NBEAL2: variants seen among roughly 807,000 people sequenced by gnomAD.
NBEAL2 encodes neurobeachin like 2.
Under a neutral mutation model 299.8 loss-of-function variants are expected in NBEAL2, and 160 were observed. The observed-to-expected ratio is 0.53, with a 90% CI of 0.47 to 0.61. The LOEUF (loss-of-function observed/expected upper bound fraction) is 0.61, where lower values mean the gene tolerates loss of function less well. NBEAL2 is among the 20% of genes least tolerant of loss of function. The pLI, the probability that NBEAL2 is intolerant of heterozygous loss-of-function variation, is 0.00. For synonymous variants in NBEAL2, 1,493 were observed against 1,542.3 expected, an observed-to-expected ratio of 0.97 and a Z score of 0.75; for missense variants, 3,112 against 3,649.0, an observed-to-expected ratio of 0.85 and a Z score of 3.79.
Position 46,999,946 on chromosome 3 carries a change from G to A in NBEAL2, c.3847G>A (p.Gly1283Ser), listed in dbSNP as rs1377704650. ...DVVRLLARQA[G>S]WQDVLTRLYV... ...AGTGCGGCTTCTGGCCCGACAGGCT[G>A]GCTGGCAAGATGTGCTGACCCGGCT... Residue 1283 changes from glycine to serine, a missense_variant, in exon 27 of 54, where the codon GGC (glycine) becomes AGC (serine). Coordinates refer to ENST00000450053, the MANE Select transcript of NBEAL2 (RefSeq NM_015175.3). The A allele has an allele frequency of 1.2e-6, 2 of 1,611,614 alleles. No homozygotes were observed. Among genetic ancestry groups the A allele is most frequent in the Non-Finnish European group, 1.7e-6 (2 of 1,179,344 alleles).
At position 47,009,236 on chromosome 3, in the gene NBEAL2, C is replaced by G. The variant is rs1469895607; in HGVS notation, c.8181C>G (p.Phe2727Leu). ...GQPSEVRSSQFARKLWRSSRR... is the reference protein window; with the variant it reads ...GQPSEVRSSQLARKLWRSSRR... ...CCCACCAGGTGCGCAGCAGCCAGTT[C>G]GCGCGGAAGCTGTGGCGGTCCTCGC... Residue 2727 changes from phenylalanine (F) to leucine (L), a missense_variant, in exon 54 of 54, where the codon TTC becomes TTG. By Grantham distance (22) the Phe-to-Leu change is conservative (BLOSUM62 0). Around this residue, in one of 3 missense-constraint regions of NBEAL2, gnomAD observed 348 missense variants for 381.4 expected, o/e 0.91. Coordinates refer to ENST00000450053, the MANE Select transcript of NBEAL2 (RefSeq NM_015175.3). 6.3e-7 allele frequency: 1 copy of G among 1,599,386 alleles called. No individual in the cohort carries two copies. Among genetic ancestry groups the G allele is most frequent in the South Asian group, 1.1e-5 (1 of 88,144 alleles).
intron 10 of NBEAL2, 37 bp from the exon 11 acceptor site, chr3:46,993,900 G>A: frequency 1.9e-6 from 3 of 1,571,176 alleles, no homozygotes; most frequent in Non-Finnish European, 2.6e-6. Context: ...TGACACCCTG[G>A]CCCCTGCCTC....
Position 47,007,649 on chromosome 3 carries a change from A to C in NBEAL2, c.7459A>C (p.Thr2487Pro). The C allele has an allele frequency of 6.2e-7, 1 of 1,611,444 alleles. No individual in the cohort carries two copies. The highest frequency in any genetic ancestry group is 8.5e-7 in the Non-Finnish European group (1 of 1,179,128). Reference protein sequence around the residue: ...GGHWDGSLRVTALPRGKLLSQ... With the variant: ...GGHWDGSLRVPALPRGKLLSQ... ...CCACTGGGATGGCAGCCTGCGGGTG[A>C]CTGCACTACCCCGTGGCAAGCTGTT... is the stretch of plus-strand genomic sequence containing the variant. The change falls in exon 48 of 54, where the codon ACT becomes CCT. Residue 2487 changes from threonine to proline, a missense_variant. By Grantham distance (38) the Thr-to-Pro change is conservative (BLOSUM62 -1). Around this residue, in one of 3 missense-constraint regions of NBEAL2, gnomAD observed 348 missense variants for 381.4 expected, o/e 0.91. Coordinates refer to ENST00000450053, the MANE Select transcript of NBEAL2 (RefSeq NM_015175.3).
In NBEAL2 at chr3:47,000,126, G is replaced by A. The variant is rs1575610415; in HGVS notation, c.4027G>A (p.Asp1343Asn). 2.5e-6 allele frequency: 4 copies of A among 1,613,648 alleles called. No homozygotes were observed. The East Asian group carries it at 8.9e-5, about 36-fold the overall frequency. Residue 1343 changes from aspartate to asparagine, a missense_variant, in exon 27 of 54, where the codon GAT becomes AAT. Physicochemically the swap from Asp to Asn is conservative, Grantham distance 23. This residue lies in a region of NBEAL2 where 2,243 missense variants were observed against 2,538.1 expected (regional missense o/e 0.88). Coordinates refer to ENST00000450053, the MANE Select transcript of NBEAL2 (RefSeq NM_015175.3). The surrounding 1 kb of genome is among the most constrained non-coding windows in gnomAD (Gnocchi z 4.5). ...LPSEAPCPDP[D>N]GFYHALSPFC... ...CTCAGAGGCCCCCTGCCCTGACCCT[G>A]ATGGCTTTTACCATGCTCTCTCCCC...
chr3:47,001,316 A>G lies in NBEAL2; in HGVS notation c.4522A>G (p.Ile1508Val), dbSNP rs533142031. 1.6e-5 allele frequency: 25 copies of G among 1,612,820 alleles called. No homozygotes were observed. Among genetic ancestry groups the G allele is most frequent in the African/African-American group, 2.7e-5 (2 of 75,014 alleles). ...GATGCTGGAGTCAGCCCTGACCGAC[A>G]TCAAAGAGGCCCCCGTGGGGGTCCT... ...EMMLESALTD[I>V]KEAPVGVLAS... is the part of the protein sequence containing the mutation. Residue 1508 changes from isoleucine (I) to valine (V), a missense_variant, in exon 29 of 54, where the codon ATC becomes GTC. Physicochemically the swap from Ile to Val is conservative, Grantham distance 29. Transcript: ENST00000450053. The surrounding 1 kb of genome is among the most constrained non-coding windows in gnomAD (Gnocchi z 6.1).
At chr3:47,005,371 G>T (rs1226764467) in intron 40 of NBEAL2, 50 bp downstream of exon 40, 1 of 1,584,876 alleles carries the variant, frequency 6.3e-7, no homozygotes. Context: ...AAGGGGAGGA[G>T]GCTGGTCCTC....
chr3:47,003,259 G>A lies in NBEAL2; in HGVS notation c.5670G>A (p.Leu1890=), dbSNP rs778757870. Reference sequence around the variant, plus strand: ...CCAAAGTGAGCACCCCACCCGAGTTGCTGCAGGAGGACCAGCTCGGCGAGG... The same window carrying A: ...CCAAAGTGAGCACCCCACCCGAGTTACTGCAGGAGGACCAGCTCGGCGAGG... The part of the protein sequence containing the change: ...KEAKVSTPPE[L]LQEDQLGEDE... Residue 1890 remains leucine, a synonymous_variant, in exon 35 of 54, where the codon TTG becomes TTA. Transcript: ENST00000450053. This position sits in a 1 kb window ranked among gnomAD's most constrained non-coding sequence, Gnocchi z 7.0. The A allele has an allele frequency of 6.2e-7, 1 of 1,613,222 alleles. No homozygotes were observed. The highest frequency in any genetic ancestry group is 8.5e-7 in the Non-Finnish European group (1 of 1,179,848).
Position 46,988,011 on chromosome 3 carries a change from C to T in NBEAL2, c.52-658C>T, listed in dbSNP as rs144315528. On this transcript the variant is annotated intron_variant, in intron 1 of 53. Coordinates refer to ENST00000450053, the MANE Select transcript of NBEAL2 (RefSeq NM_015175.3). This position sits in a 1 kb window ranked among gnomAD's most constrained non-coding sequence, Gnocchi z 4.4. ...GTTCACACCAAAGTTTTCCTGGCAG[C>T]GCCTAGACCTGGGCTTAGCCACTGC... is the stretch of plus-strand genomic sequence containing the variant. The T allele has an allele frequency of 1.8e-5, 23 of 1,277,734 alleles. No individual in the cohort carries two copies. The highest frequency in any genetic ancestry group is 7.7e-5 in the African/African-American group (5 of 64,650). 79.1% of individuals were successfully genotyped at this position (1,277,734 alleles called of 1,614,324 possible). A position where few individuals can be genotyped will look rare whatever the true frequency, so the allele number is the denominator to read the frequency against.
rs538098048 is a variant in NBEAL2 at position 46,982,231 on chromosome 3, G to A, written c.51+2319G>A. Among the ~76,000 whole-genome samples the A allele has an allele frequency of 6.6e-6, 1 of 152,278 alleles. No individual in the cohort carries two copies. The highest frequency in any genetic ancestry group is 1.9e-4 in the East Asian group (1 of 5,180). On this transcript the variant is annotated intron_variant, in intron 1 of 53. Transcript: ENST00000450053. The surrounding 1 kb of genome is among the most constrained non-coding windows in gnomAD (Gnocchi z 4.2). ...TTGGGGAGGGGGAGTGCAAGGTAAG[G>A]GGCAGAGCTGAAAGTGGGTGTTTAG... is the stretch of plus-strand genomic sequence containing the variant.
rs777582870 is a variant in NBEAL2 at position 47,003,167 on chromosome 3, C to G, written c.5585-7C>G. Reference sequence around the variant, plus strand: ...TGCTTCTGCTGAGTACCCTTGGCCCCTTGCAGGTGAGGTTCCCCTGACACC... The same window carrying G: ...TGCTTCTGCTGAGTACCCTTGGCCCGTTGCAGGTGAGGTTCCCCTGACACC... On this transcript the variant is annotated splice_region_variant and splice_polypyrimidine_tract_variant and intron_variant, in intron 34 of 53. Transcript: ENST00000450053. This position sits in a 1 kb window ranked among gnomAD's most constrained non-coding sequence, Gnocchi z 7.0. 2 of 1,604,860 alleles carry G rather than the reference C, an allele frequency of 1.2e-6. No individual in the cohort carries two copies. The highest frequency in any genetic ancestry group is 2.2e-5 in the South Asian group (2 of 90,664).
Position 46,997,001 on chromosome 3 carries a change from T to G in NBEAL2, c.2604T>G (p.Leu868=), listed in dbSNP as rs1321497769. Residue 868 remains leucine, a synonymous_variant, in exon 18 of 54, where the codon CTT becomes CTG. Transcript: ENST00000450053. ...ICLDLSPSHG[L]DGRLTGHRVE... ...TGGACCTGTCCCCCAGTCATGGGCTTGATGGGCGCCTGACGGGCCACAGAG... is the reference window on the plus strand; with the variant it reads ...TGGACCTGTCCCCCAGTCATGGGCTGGATGGGCGCCTGACGGGCCACAGAG... 1.2e-6 allele frequency: 2 copies of G among 1,613,414 alleles called. No individual in the cohort carries two copies. The highest frequency in any genetic ancestry group is 4.5e-5 in the East Asian group (2 of 44,878).
Position 47,009,511 on chromosome 3 carries a change from C to T in NBEAL2, c.*191C>T. 2 of 622,888 alleles carry T rather than the reference C, an allele frequency of 3.2e-6. No homozygotes were observed. The highest frequency in any genetic ancestry group is 2.8e-6 in the Non-Finnish European group (1 of 360,984). The allele number at this position is 622,888 out of a possible 1,614,324, so 38.6% of individuals were successfully genotyped here. A position where few individuals can be genotyped will look rare whatever the true frequency, so the allele number is the denominator to read the frequency against. ...GGCGGGCGGAAGTCCCGCCCCTCGC[C>T]GGCTGAGGGGCCGCCCTGAGGGCCA... On this transcript the variant is annotated 3_prime_UTR_variant, in exon 54 of 54. Coordinates refer to ENST00000450053, the MANE Select transcript of NBEAL2 (RefSeq NM_015175.3).
Position 47,003,413 on chromosome 3 carries a change from G to C in NBEAL2, c.5720+104G>C, listed in dbSNP as rs2037184929. 1 of 1,472,156 alleles carries C rather than the reference G, an allele frequency of 6.8e-7. No homozygotes were observed. 91.2% of individuals were successfully genotyped at this position (1,472,156 alleles called of 1,614,324 possible). A position where few individuals can be genotyped will look rare whatever the true frequency, so the allele number is the denominator to read the frequency against. ...CAACTCCCTGAGTGTGTCCTCTTCT[G>C]CTGCCCGACTACGTCCCCCTGAAGG... On this transcript the variant is annotated intron_variant, in intron 35 of 53. Transcript: ENST00000450053. This position sits in a 1 kb window ranked among gnomAD's most constrained non-coding sequence, Gnocchi z 7.0.
In NBEAL2 at chr3:47,008,284, A is replaced by G. The variant is rs1371493699; in HGVS notation, c.7721A>G (p.Asp2574Gly). 4 of 1,613,078 alleles carry G rather than the reference A, an allele frequency of 2.5e-6. No individual in the cohort carries two copies. The African/African-American group carries it at 5.3e-5, about 22-fold the overall frequency. Reference protein sequence around the residue: ...ELDMAVSGSEDGTVIIHTVRR... With the variant: ...ELDMAVSGSEGGTVIIHTVRR... Reference sequence around the variant, plus strand: ...GGACCCTAAGTTGCCTTCCTGCAGGATGGAACTGTGATCATACACACTGTA... The same window carrying G: ...GGACCCTAAGTTGCCTTCCTGCAGGGTGGAACTGTGATCATACACACTGTA... Residue 2574 changes from aspartate (D) to glycine (G), a missense_variant and splice_region_variant, in exon 51 of 54, where the codon GAT becomes GGT. Coordinates refer to ENST00000450053, the MANE Select transcript of NBEAL2 (RefSeq NM_015175.3).
rs187195101 is a variant in NBEAL2 at position 46,993,149 on chromosome 3, A to T, written c.1113+594A>T. Among the ~76,000 whole-genome samples the T allele has an allele frequency of 2.7e-4, 41 of 152,264 alleles. No individual in the cohort carries two copies. The East Asian group carries it at 4.8e-3, about 18-fold the overall frequency. ...CCCTATGTGTTCACCGCATGTGGTC[A>T]TTTTCTTAGAGCTTACACGTCTATT... On this transcript the variant is annotated intron_variant, in intron 10 of 53. Coordinates refer to ENST00000450053, the MANE Select transcript of NBEAL2 (RefSeq NM_015175.3).
chr3:46,984,207 G>A (rs1401787069), intron 1 of NBEAL2, among the ~76,000 whole-genome samples: 2 of 152,090 alleles, frequency 1.3e-5, no homozygotes, highest in East Asian at 1.9e-4. Flanking sequence ...TCAGGAGGCT[G>A]AGGCAGGAGA....
chr3:46,981,725 G>A (rs4682833), intron 1 of NBEAL2, among the ~76,000 whole-genome samples: 143,207 of 152,196 alleles, frequency 0.94, 68,006 homozygotes, highest in East Asian at 1. Context: ...AAACCAGCTG[G>A]TGAGTGTGAG....
Position 47,005,171 on chromosome 3 carries a change from G to C in NBEAL2, c.6420-10G>C. ...AGGGCTTCTGCTGACACGTCCAACT[G>C]TGGCCCCAGGTATGAAAGCTTTGAG... On this transcript the variant is annotated splice_polypyrimidine_tract_variant and intron_variant, in intron 39 of 53. Transcript: ENST00000450053. The C allele has an allele frequency of 6.2e-7, 1 of 1,613,826 alleles. No individual in the cohort carries two copies. The highest frequency in any genetic ancestry group is 1.1e-5 in the South Asian group (1 of 91,088).
chr3:46,993,138 C>T (rs535115523), intron 10 of NBEAL2, among the ~76,000 whole-genome samples: 1 of 152,318 alleles, frequency 6.6e-6, no homozygotes, highest in Non-Finnish European at 1.5e-5. Flanking sequence ...ATGTGTTCAC[C>T]GCATGTGGTC....
Sources: allele counts gnomAD v4.1 joint callset (sites outside exome capture counted in the v4.1 genomes callset), GRCh38; gene constraint gnomAD v4.1.1; regional missense constraint gnomAD v4.1.1; non-coding constraint Gnocchi (gnomAD v3.1); transcripts MANE v1.5; gene names NCBI Gene and HGNC (gene_info 2026-07-23, HGNC 2026-07-21).